WDR72: variants seen among roughly 807,000 people sequenced by gnomAD.
WDR72 encodes the protein WD repeat domain 72.
In WDR72, 120 loss-of-function variants were observed where a neutral mutation model predicts 124.2. That is an observed-to-expected ratio of 0.97 (90% confidence interval 0.83 to 1.12). The LOEUF is 1.12. Ranked by LOEUF, WDR72 falls within the 50% of genes most tolerant of loss-of-function variation. WDR72 has a pLI of 0.00. For synonymous variants in WDR72, 452 were observed against 441.7 expected, an observed-to-expected ratio of 1.02 and a Z score of -0.29; for missense variants, 1,387 against 1,278.8, an observed-to-expected ratio of 1.08 and a Z score of -1.29.
At chr15:53,654,190 A>C (rs1262183785) in intron 14 of WDR72, among the ~76,000 whole-genome samples, 1 of 152,202 alleles carries the variant, frequency 6.6e-6, no homozygotes, top group East Asian at 1.9e-4. Context: ...ACCATACTAA[A>C]TGATTTATCA....
chr15:53,619,360 A>G (rs1479692916), intron 14 of WDR72, among the ~76,000 whole-genome samples: 2 of 151,544 alleles, frequency 1.3e-5, no homozygotes, highest in African/African-American at 4.8e-5. Flanking sequence ...AGAGGATTTT[A>G]GTTTGTGAAT....
chr15:53,666,203 T>C (rs3911729), intron 13 of WDR72, among the ~76,000 whole-genome samples: 35,440 of 152,058 alleles, frequency 0.23, 4,435 homozygotes, highest in East Asian at 0.46. Context: ...ATAATTTAAA[T>C]GAATGGAGCA....
intron 14 of WDR72, among the ~76,000 whole-genome samples, chr15:53,658,553 G>T (rs1335469133): frequency 1.3e-5 from 2 of 152,152 alleles, no homozygotes; most frequent in African/African-American, 4.8e-5. Flanking sequence ...ATACAAAAAG[G>T]TATACACACA....
chr15:53,573,219 T>C (rs917279018), intron 18 of WDR72, among the ~76,000 whole-genome samples: 14 of 152,188 alleles, frequency 9.2e-5, no homozygotes, highest in African/African-American at 3.4e-4. Flanking sequence ...AATGTGCATG[T>C]GGCTGTGTGT....
At chr15:53,530,277 C>T (rs959194716) in intron 18 of WDR72, among the ~76,000 whole-genome samples, 1 of 151,472 alleles carries the variant, frequency 6.6e-6, no homozygotes, top group Non-Finnish European at 1.5e-5. Context: ...TTGGTCATAT[C>T]AGTAAGCTGA....
At chr15:53,635,940 C>G (rs956189905) in intron 14 of WDR72, among the ~76,000 whole-genome samples, 1 of 152,094 alleles carries the variant, frequency 6.6e-6, no homozygotes, top group Non-Finnish European at 1.5e-5. Context: ...AAACCAAGTA[C>G]CCTTTATACC....
intron 13 of WDR72, among the ~76,000 whole-genome samples, chr15:53,687,102 G>A (rs1170556046): frequency 6.7e-6 from 1 of 149,778 alleles, no homozygotes; most frequent in Non-Finnish European, 1.5e-5. Flanking sequence ...GCCCACAAGA[G>A]AAAGCAGGAA....
At chr15:53,524,361 C>A (rs1013628096) in intron 18 of WDR72, among the ~76,000 whole-genome samples, 1 of 152,064 alleles carries the variant, frequency 6.6e-6, no homozygotes, top group African/African-American at 2.4e-5. Flanking sequence ...ACAAATCACA[C>A]ATAAGATATG....
chr15:53,687,617 G>A (rs1296554729), intron 13 of WDR72, among the ~76,000 whole-genome samples: 2 of 146,046 alleles, frequency 1.4e-5, no homozygotes, highest in Non-Finnish European at 3.0e-5. Flanking sequence ...ATTCACAGCC[G>A]AATTCTACCA....
chr15:53,690,576 A>G (rs1247902929), intron 13 of WDR72, among the ~76,000 whole-genome samples: 5 of 152,164 alleles, frequency 3.3e-5, no homozygotes, highest in Non-Finnish European at 5.9e-5. Context: ...TTCACTTAGC[A>G]TGTTTTCAAG....
At chr15:53,666,783 T>C (rs927898706) in intron 13 of WDR72, among the ~76,000 whole-genome samples, 9 of 152,288 alleles carry the variant, frequency 5.9e-5, no homozygotes, top group Admixed American at 2.0e-4. Context: ...GATAAAAACA[T>C]TGGTAGATAC....
chr15:53,544,053 T>G (rs1189649228), intron 18 of WDR72, among the ~76,000 whole-genome samples: 1 of 146,232 alleles, frequency 6.8e-6, no homozygotes, highest in African/African-American at 2.5e-5. Flanking sequence ...CAGGACCAGA[T>G]GGATTCACAG....
intron 7 of WDR72, 124 bp downstream of exon 7, chr15:53,712,648 C>T (rs554218214): frequency 9.8e-7 from 1 of 1,019,302 alleles, no homozygotes; most frequent in South Asian, 1.6e-5. Context: ...ACACATCATT[C>T]CATGTTCTGG....
In WDR72 at chr15:53,615,696, T is replaced by C. The variant is rs2013730264; in HGVS notation, c.2510A>G (p.Asp837Gly). Reference sequence around the variant, plus strand: ...ACCTGGCAACATCAGTGAGAAATTATCTTCATTCAAAGAAATTCCCAAAGA... The same window carrying C: ...ACCTGGCAACATCAGTGAGAAATTACCTTCATTCAAAGAAATTCCCAAAGA... The part of the protein sequence containing the change: ...PISLGISLNE[D>G]NFSLMLPGWD... Residue 837 changes from aspartate (D) to glycine (G), a missense_variant, in exon 15 of 20, where the codon GAT (aspartate) becomes GGT (glycine). Coordinates refer to ENST00000360509, the MANE Select transcript of WDR72 (RefSeq NM_182758.4). 6.2e-7 allele frequency: 1 copy of C among 1,612,166 alleles called. No individual in the cohort carries two copies. Among genetic ancestry groups the C allele is most frequent in the Non-Finnish European group, 8.5e-7 (1 of 1,179,194 alleles).
chr15:53,721,413 T>TC (rs1224046653), intron 3 of WDR72, among the ~76,000 whole-genome samples: 2 of 152,190 alleles, frequency 1.3e-5, no homozygotes, highest in East Asian at 3.9e-4. Flanking sequence ...AAATTCACCA[T>TC]CCCCAAAATT....
chr15:53,752,938 A>C (rs955939188), intron 1 of WDR72, among the ~76,000 whole-genome samples: 3 of 152,168 alleles, frequency 2.0e-5, no homozygotes, highest in Non-Finnish European at 4.4e-5. Flanking sequence ...ACTAAATGAA[A>C]GATGAAAAAA....
chr15:53,732,356 G>A (rs1020263091), intron 2 of WDR72, among the ~76,000 whole-genome samples: 1 of 152,152 alleles, frequency 6.6e-6, no homozygotes, highest in Admixed American at 6.5e-5. Flanking sequence ...TGTTCAAATT[G>A]GGTCTAGAGA....
At chr15:53,602,094 C>T (rs2013070436) in intron 17 of WDR72, among the ~76,000 whole-genome samples, 1 of 152,102 alleles carries the variant, frequency 6.6e-6, no homozygotes. Context: ...GGAAGTAAAA[C>T]ACTCCTTAGC....
intron 13 of WDR72, among the ~76,000 whole-genome samples, chr15:53,690,884 T>C (rs78682661): frequency 0.027 from 4,108 of 152,292 alleles, 100 homozygotes; most frequent in East Asian, 0.069. Context: ...TGTCATACAG[T>C]TTCTACAGTG....
Sources: allele counts gnomAD v4.1 joint callset (sites outside exome capture counted in the v4.1 genomes callset), GRCh38; gene constraint gnomAD v4.1.1; transcripts MANE v1.5; gene names NCBI Gene and HGNC (gene_info 2026-07-23, HGNC 2026-07-21).